RNF111: variants seen among roughly 807,000 people sequenced by gnomAD.
RNF111 encodes the protein E3 ubiquitin-protein ligase Arkadia.
A neutral mutation model predicts 95.1 loss-of-function variants in RNF111; 17 were observed. That is an observed-to-expected ratio of 0.18 (90% CI 0.12 to 0.27). The LOEUF is 0.27. Among genes scored for constraint, RNF111 ranks in the 10% least tolerant of loss-of-function variants. The pLI is 1.00. For missense variants in RNF111, 1,189 were observed against 1,210.4 expected (o/e 0.98, Z 0.26); for synonymous variants, 440 against 414.8 (o/e 1.06, Z -0.74).
intron 3 of RNF111, among the ~76,000 whole-genome samples, chr15:59,054,778 C>G (rs2042137184): frequency 6.6e-6 from 1 of 152,076 alleles, no homozygotes; most frequent in South Asian, 2.1e-4. Context: ...TGGTTAAGCA[C>G]CCACCCCCAA....
chr15:59,050,575 A>G (rs1220185720), intron 2 of RNF111, among the ~76,000 whole-genome samples: 1 of 152,246 alleles, frequency 6.6e-6, no homozygotes, highest in Non-Finnish European at 1.5e-5. Context: ...ATTTAAGAGA[A>G]GTATCAAAAA....
At chr15:59,054,736 G>A (rs2042134851) in intron 3 of RNF111, among the ~76,000 whole-genome samples, 1 of 152,056 alleles carries the variant, frequency 6.6e-6, no homozygotes, top group South Asian at 2.1e-4. Flanking sequence ...GCCATTTTCA[G>A]CCCACTTTGA....
Position 59,094,711 on chromosome 15 carries a change from A to G in RNF111, c.2844-72A>G. ...CTTCAAAACATTATTGAATTATTAC[A>G]TATATAATTTGTTAACTACGTACAA... On this transcript the variant is annotated intron_variant, in intron 13 of 13. Transcript: ENST00000348370. 6 of 834,970 alleles carry G rather than the reference A, an allele frequency of 7.2e-6. No individual in the cohort carries two copies. The Admixed American group carries it at 8.7e-5, about 12-fold the overall frequency. The allele number at this position is 834,970 out of a possible 1,614,324, so 51.7% of individuals were successfully genotyped here.
chr15:59,059,762 T>G (rs1306457256), intron 5 of RNF111, among the ~76,000 whole-genome samples: 2 of 152,206 alleles, frequency 1.3e-5, no homozygotes, highest in African/African-American at 4.8e-5. Context: ...AGCCTTAAAC[T>G]AACTTTCTTT....
At position 59,085,752 on chromosome 15, in the gene RNF111, T is replaced by A. The variant is rs1282676092; in HGVS notation, c.2517T>A (p.Leu839=). 6.2e-7 allele frequency: 1 copy of A among 1,613,512 alleles called. No homozygotes were observed. The highest frequency in any genetic ancestry group is 2.2e-5 in the East Asian group (1 of 44,842). The change falls in exon 10 of 14, where the codon CTT becomes CTA. Residue 839 remains leucine, a synonymous_variant. Coordinates refer to ENST00000348370, the MANE Select transcript of RNF111 (RefSeq NM_017610.8). The part of the protein sequence containing the change: ...HLAHYHAPPR[L]HHLQLGALPL... ...CCCATTATCACGCACCTCCTCGACT[T>A]CATCACTTACAATTAGGAGCTCTTC...
Position 59,059,864 on chromosome 15 carries a change from A to C in RNF111, c.1366+1314A>C, listed in dbSNP as rs140344199. The stretch of plus-strand genomic sequence containing the variant: ...CTGTAGCTTGTGGATTGACTAAATC[A>C]CCATTAATAATGAAACCATCTTATA... On this transcript the variant is annotated intron_variant, in intron 5 of 13. Transcript: ENST00000348370. Among the ~76,000 whole-genome samples, 59 of 152,340 alleles carry C rather than the reference A, an allele frequency of 3.9e-4. 1 individual carries two copies. Among genetic ancestry groups the C allele is most frequent in the African/African-American group, 1.2e-3 (48 of 41,582 alleles).
chr15:59,068,702 A>G (rs188562531), intron 6 of RNF111, among the ~76,000 whole-genome samples: 5 of 152,066 alleles, frequency 3.3e-5, no homozygotes, highest in Middle Eastern at 3.4e-3. Context: ...CCACTTTTCT[A>G]TGTCACCCGA....
intron 2 of RNF111, 144 bp downstream of exon 2, chr15:59,031,846 G>A: frequency 2.7e-6 from 2 of 732,108 alleles, no homozygotes. Context: ...ATTACCAATT[G>A]CAGTATTAAA....
intron 1 of RNF111, among the ~76,000 whole-genome samples, chr15:59,005,703 T>G (rs1323260047): frequency 2.0e-5 from 3 of 151,998 alleles, no homozygotes; most frequent in African/African-American, 7.2e-5. Flanking sequence ...GTATATGTGG[T>G]GATCGTGGGT....
In RNF111 at chr15:59,058,466, G is replaced by C; in HGVS notation, c.1282G>C (p.Ala428Pro). ...TSEQASDTAS[A>P]VTSSQPSTVS... is the part of the protein sequence containing the mutation. ...TGAGCAGGCCTCTGATACTGCTTCA[G>C]CTGTCACCAGTAGCCAACCTTCCAC... The change falls in exon 5 of 14, where the codon GCT becomes CCT. Residue 428 changes from alanine to proline, a missense_variant. Physicochemically the swap from Ala to Pro is conservative, Grantham distance 27. Coordinates refer to ENST00000348370, the MANE Select transcript of RNF111 (RefSeq NM_017610.8). The C allele has an allele frequency of 2.5e-6, 4 of 1,614,076 alleles. No homozygotes were observed. The highest frequency in any genetic ancestry group is 1.7e-6 in the Non-Finnish European group (2 of 1,179,986).
chr15:59,090,416 G>C (rs1235950400), intron 11 of RNF111, among the ~76,000 whole-genome samples: 1 of 152,134 alleles, frequency 6.6e-6, no homozygotes, highest in Non-Finnish European at 1.5e-5. Context: ...TTTTAGTAGA[G>C]ATAGTGTTTT....
At chr15:59,046,911 A>G (rs1437494535) in intron 2 of RNF111, among the ~76,000 whole-genome samples, 2 of 152,116 alleles carry the variant, frequency 1.3e-5, no homozygotes, top group Non-Finnish European at 2.9e-5. Context: ...TCTGTTGTCC[A>G]GGCTGGAGTA....
intron 5 of RNF111, among the ~76,000 whole-genome samples, chr15:59,058,882 C>T (rs775040842): frequency 3.2e-4 from 49 of 152,160 alleles, no homozygotes; most frequent in Non-Finnish European, 7.4e-5. Flanking sequence ...AGGATATTAT[C>T]AAGACAGTGA....
intron 1 of RNF111, among the ~76,000 whole-genome samples, chr15:59,020,627 A>G (rs186216678): frequency 2.6e-5 from 4 of 152,346 alleles, no homozygotes; most frequent in Middle Eastern, 3.4e-3. Flanking sequence ...TAAGGATTTC[A>G]GAATACTTTA....
chr15:59,090,991 A>T, intron 11 of RNF111, 68 bp from the exon 12 acceptor site: 1 of 945,312 alleles, frequency 1.1e-6, no homozygotes, highest in East Asian at 2.4e-5. Context: ...TTCTTATACA[A>T]TGTTGACAGT....
At chr15:59,091,340 C>G (rs529602574) in intron 12 of RNF111, among the ~76,000 whole-genome samples, 186 bp downstream of exon 12, 1 of 152,074 alleles carries the variant, frequency 6.6e-6, no homozygotes, top group African/African-American at 2.4e-5. Flanking sequence ...AGACCCTAGT[C>G]CTTCTTCCCA....
At chr15:59,043,549 A>G (rs17236383) in intron 2 of RNF111, among the ~76,000 whole-genome samples, 44,947 of 152,076 alleles carry the variant, frequency 0.3, 6,781 homozygotes, top group East Asian at 0.41. Context: ...TACGACATCT[A>G]TAAGGCTAGT....
In RNF111 at chr15:59,058,584, G is replaced by A. The variant is rs74596976; in HGVS notation, c.1366+34G>A. ...AAAAGTGGGGGAGGGGAGACTTTTT[G>A]TCATTACTTTCGTTAGGAAAAGTAT... On this transcript the variant is annotated intron_variant, in intron 5 of 13. Transcript: ENST00000348370. 9.6e-3 allele frequency: 15,112 copies of A among 1,569,032 alleles called. 227 individuals carry two copies. Among genetic ancestry groups the A allele is most frequent in the East Asian group, 0.04 (1,794 of 44,650 alleles).
intron 6 of RNF111, 27 bp from the exon 7 acceptor site, chr15:59,075,927 G>A: frequency 6.2e-7 from 1 of 1,608,964 alleles, no homozygotes; most frequent in East Asian, 2.2e-5. Context: ...ACTTTAGAAA[G>A]ATAAAATATA....
Sources: gnomAD v4.1 joint callset for allele counts (sites outside exome capture counted in the v4.1 genomes callset) on GRCh38, gnomAD v4.1.1 for gene constraint, MANE v1.5 for transcripts, NCBI Gene and HGNC (gene_info 2026-07-23, HGNC 2026-07-21) for gene names.